Variants in TAFA1 observed in about 807,000 individuals in gnomAD.
TAFA1 encodes the protein TAFA chemokine like family member 1.
TAFA1 carries 4 observed loss-of-function variants against 18.5 expected under a neutral mutation model. The ratio of observed to expected loss-of-function variants is 0.22; its 90% confidence interval spans 0.11 to 0.49. TAFA1 has a LOEUF of 0.49. TAFA1 is among the 20% of genes least tolerant of loss of function. TAFA1 has a pLI of 0.98. For missense variants in TAFA1, 147 were observed against 169.0 expected, an observed-to-expected ratio of 0.87 and a Z score of 0.72; for synonymous variants, 56 against 55.2, an observed-to-expected ratio of 1.01 and a Z score of -0.06.
chr3:68,259,939 T>C (rs1253327186), intron 2 of TAFA1, among the ~76,000 whole-genome samples: 1 of 151,770 alleles, frequency 6.6e-6, no homozygotes, highest in East Asian at 1.9e-4. Flanking sequence ...TTCCTTCTCC[T>C]GCCTAATTGC....
chr3:68,081,752 A>C (rs956266193), intron 2 of TAFA1, among the ~76,000 whole-genome samples: 6 of 152,184 alleles, frequency 3.9e-5, no homozygotes, highest in African/African-American at 1.2e-4. Context: ...TGCAGAGGTT[A>C]CTGCTGTCTT....
chr3:68,001,146 G>A (rs1373635121), upstream of TAFA1, among the ~76,000 whole-genome samples: 1 of 152,290 alleles, frequency 6.6e-6, no homozygotes, highest in Middle Eastern at 3.4e-3. Flanking sequence ...AGAAAAGGAG[G>A]TGAAGCTGGT....
chr3:68,267,403 G>A (rs940873202), intron 2 of TAFA1, among the ~76,000 whole-genome samples: 6 of 152,170 alleles, frequency 3.9e-5, no homozygotes, highest in Admixed American at 1.3e-4. Flanking sequence ...CCAAACTCCA[G>A]AAGTTTTAGT....
intron 3 of TAFA1, among the ~76,000 whole-genome samples, chr3:68,498,721 GCTTTTT>G (rs1389907093): frequency 0.012 from 1,218 of 101,580 alleles, 91 homozygotes; most frequent in Non-Finnish European, 0.015. Context: ...CCGTTTGGTG[GCTTTTT>G]TTTTTTTTTT....
At chr3:68,476,041 T>C (rs1314953981) in intron 3 of TAFA1, among the ~76,000 whole-genome samples, 1 of 152,210 alleles carries the variant, frequency 6.6e-6, no homozygotes, top group Non-Finnish European at 1.5e-5. Flanking sequence ...TTTGAGTTCA[T>C]TGTAGATTCT....
intron 2 of TAFA1, among the ~76,000 whole-genome samples, chr3:68,073,891 T>C (rs2064789075): frequency 6.6e-6 from 1 of 152,180 alleles, no homozygotes; most frequent in South Asian, 2.1e-4. Flanking sequence ...GAAGACAATT[T>C]TTCCAAGACC....
At chr3:68,478,045 G>A (rs2106646643) in intron 3 of TAFA1, among the ~76,000 whole-genome samples, 1 of 152,306 alleles carries the variant, frequency 6.6e-6, no homozygotes, top group African/African-American at 2.4e-5. Context: ...TAAATCATGG[G>A]GTGAAATTTA....
At chr3:68,063,319 G>A (rs1257936916) in intron 2 of TAFA1, among the ~76,000 whole-genome samples, 4 of 152,168 alleles carry the variant, frequency 2.6e-5, no homozygotes, top group Non-Finnish European at 5.9e-5. Context: ...TGAGCTAACG[G>A]TGGGTCTCAT....
intron 2 of TAFA1, among the ~76,000 whole-genome samples, chr3:68,360,144 G>C (rs924138799): frequency 1.3e-5 from 2 of 151,910 alleles, no homozygotes; most frequent in Non-Finnish European, 2.9e-5. Flanking sequence ...TGGCACTTCA[G>C]TTCCATGCCT....
chr3:68,373,164 A>G (rs1575813832), intron 2 of TAFA1, among the ~76,000 whole-genome samples: 1 of 152,234 alleles, frequency 6.6e-6, no homozygotes, highest in Non-Finnish European at 1.5e-5. Context: ...GGAGGAATGA[A>G]TACATAAATA....
At chr3:68,001,317 A>G (rs1312932350), upstream of TAFA1, among the ~76,000 whole-genome samples, 1 of 152,220 alleles carries the variant, frequency 6.6e-6, no homozygotes, top group African/African-American at 2.4e-5. Flanking sequence ...TTGTAGAGAT[A>G]GGCTGCTGGA....
chr3:67,993,939 A>G, the TAFA1 span, among the ~76,000 whole-genome samples: 43 of 152,248 alleles, frequency 2.8e-4, no homozygotes, highest in Non-Finnish European at 5.1e-4. Context: ...ATTTAGATTC[A>G]AGTATTTTAT....
intron 2 of TAFA1, among the ~76,000 whole-genome samples, chr3:68,326,139 T>A (rs2068773872): frequency 6.6e-6 from 1 of 152,226 alleles, no homozygotes; most frequent in Non-Finnish European, 1.5e-5. Context: ...CCAAATGTTG[T>A]TTCCCTAAAG....
intron 4 of TAFA1, among the ~76,000 whole-genome samples, chr3:68,540,992 T>C (rs1025646096): frequency 6.6e-6 from 1 of 152,092 alleles, no homozygotes; most frequent in African/African-American, 2.4e-5. Flanking sequence ...CCTCCCTGGG[T>C]GGGCTGAATT....
At chr3:68,032,252 G>A (rs908027353) in intron 2 of TAFA1, among the ~76,000 whole-genome samples, 1 of 152,116 alleles carries the variant, frequency 6.6e-6, no homozygotes, top group African/African-American at 2.4e-5. Flanking sequence ...TTCTCTAGAT[G>A]AGCAAGTGTA....
chr3:68,245,964 T>C (rs1359293344), intron 2 of TAFA1, among the ~76,000 whole-genome samples: 1 of 152,106 alleles, frequency 6.6e-6, no homozygotes, highest in East Asian at 1.9e-4. Context: ...GCATAGGTAA[T>C]AAAGTGACTC....
chr3:68,230,926 T>C (rs1359346600), intron 2 of TAFA1, among the ~76,000 whole-genome samples: 1 of 152,228 alleles, frequency 6.6e-6, no homozygotes, highest in Non-Finnish European at 1.5e-5. Context: ...TTTTGAGAAA[T>C]GAATGTTCAG....
intron 2 of TAFA1, among the ~76,000 whole-genome samples, chr3:68,202,088 C>T (rs547691560): frequency 1.1e-3 from 171 of 151,796 alleles, no homozygotes; most frequent in African/African-American, 4.0e-3. Context: ...CCACTAAGTC[C>T]CATCTCCTAA....
At chr3:68,144,553 G>T (rs1402059347) in intron 2 of TAFA1, among the ~76,000 whole-genome samples, 1 of 152,178 alleles carries the variant, frequency 6.6e-6, no homozygotes, top group Non-Finnish European at 1.5e-5. Flanking sequence ...AAAATTATTT[G>T]TTAATATGAT....
Sources: gnomAD v4.1 joint callset for allele counts (sites outside exome capture counted in the v4.1 genomes callset) on GRCh38, gnomAD v4.1.1 for gene constraint, MANE v1.5 for transcripts, NCBI Gene and HGNC (gene_info 2026-07-23, HGNC 2026-07-21) for gene names.